Variants in MTMR7 observed in about 807,000 individuals in gnomAD.
MTMR7 encodes the protein myotubularin related protein 7.
MTMR7 carries 76 observed loss-of-function variants against 81.2 expected under a neutral mutation model. That is an observed-to-expected ratio of 0.94 (90% CI 0.78 to 1.13). The LOEUF is 1.13. MTMR7 is among the 50% of genes most tolerant of loss of function. MTMR7 has a pLI of 0.00. For synonymous variants in MTMR7, 372 were observed against 289.8 expected, an observed-to-expected ratio of 1.28 and a Z score of -2.88; for missense variants, 1,044 against 820.0, an observed-to-expected ratio of 1.27 and a Z score of -3.34.
At chr8:17,387,955 G>C (rs565141912) in intron 1 of MTMR7, among the ~76,000 whole-genome samples, 1 of 152,094 alleles carries the variant, frequency 6.6e-6, no homozygotes, top group African/African-American at 2.4e-5. Flanking sequence ...TGACGTTTAA[G>C]GAAATTTTAA....
chr8:17,338,010 G>A (rs547974927), intron 6 of MTMR7, among the ~76,000 whole-genome samples: 2 of 152,218 alleles, frequency 1.3e-5, no homozygotes, highest in African/African-American at 2.4e-5. Flanking sequence ...CTGCTTGCCA[G>A]GGTCCACACC....
At chr8:17,370,984 T>A in intron 3 of MTMR7, 53 bp downstream of exon 3, 1 of 1,571,254 alleles carries the variant, frequency 6.4e-7, no homozygotes, top group Non-Finnish European at 8.7e-7. Context: ...TGAATCTGAT[T>A]TGCAAATTTT....
intron 1 of MTMR7, among the ~76,000 whole-genome samples, chr8:17,406,399 T>G (rs1821582638): frequency 6.6e-6 from 1 of 152,142 alleles, no homozygotes; most frequent in Non-Finnish European, 1.5e-5. Flanking sequence ...ATGCTCAATA[T>G]CATTAGTCAT....
At chr8:17,385,440 G>A (rs1339834704) in intron 1 of MTMR7, among the ~76,000 whole-genome samples, 3 of 152,126 alleles carry the variant, frequency 2.0e-5, no homozygotes, top group East Asian at 1.9e-4. Context: ...TACGCCTCAT[G>A]ACATCTGATG....
At chr8:17,349,962 A>AT (rs1181838611) in intron 4 of MTMR7, among the ~76,000 whole-genome samples, 2 of 152,204 alleles carry the variant, frequency 1.3e-5, no homozygotes, top group Non-Finnish European at 2.9e-5. Flanking sequence ...TGCAGCAACA[A>AT]TATCTCATGG....
chr8:17,331,531 T>C (rs1448654689), intron 6 of MTMR7, among the ~76,000 whole-genome samples: 1 of 152,220 alleles, frequency 6.6e-6, no homozygotes, highest in African/African-American at 2.4e-5. Context: ...AGTCTACTGA[T>C]AAACCCTTCT....
chr8:17,355,967 T>C (rs921772034), intron 4 of MTMR7, among the ~76,000 whole-genome samples: 2 of 152,148 alleles, frequency 1.3e-5, no homozygotes, highest in African/African-American at 4.8e-5. Flanking sequence ...AAAAGGTGCA[T>C]AAAATGCTAC....
intron 12 of MTMR7, among the ~76,000 whole-genome samples, chr8:17,303,857 G>A (rs746229952): frequency 9.2e-5 from 14 of 152,234 alleles, no homozygotes; most frequent in Middle Eastern, 3.4e-3. Flanking sequence ...TGATCCACCC[G>A]CCTCGGCTAA....
At chr8:17,330,217 G>A (rs182141442) in intron 7 of MTMR7, among the ~76,000 whole-genome samples, 2 of 152,330 alleles carry the variant, frequency 1.3e-5, no homozygotes, top group South Asian at 2.1e-4. Flanking sequence ...GAGAGCAAAC[G>A]TGGATTCCTG....
intron 2 of MTMR7, among the ~76,000 whole-genome samples, chr8:17,371,760 C>T (rs1384946213): frequency 6.6e-6 from 1 of 150,396 alleles, no homozygotes; most frequent in Non-Finnish European, 1.5e-5. Context: ...TAGTTGTACA[C>T]ATTTATGGGC....
rs994927647 is a variant in MTMR7 at position 17,349,214 on chromosome 8, T to C, written c.469-133A>G. 4.5e-6 allele frequency: 5 copies of C among 1,120,018 alleles called. No individual in the cohort carries two copies. The African/African-American group carries it at 7.8e-5, about 18-fold the overall frequency. The allele number at this position is 1,120,018 out of a possible 1,614,324, so 69.4% of individuals were successfully genotyped here. A position where few individuals can be genotyped will look rare whatever the true frequency, so the allele number is the denominator to read the frequency against. ...TTAACCATGTTACAGAGGAGGCTATTTCGAGGAAACTCAAAGCCACTTCAG... is the reference window on the plus strand; with the variant it reads ...TTAACCATGTTACAGAGGAGGCTATCTCGAGGAAACTCAAAGCCACTTCAG... On this transcript the variant is annotated intron_variant, in intron 4 of 13. Coordinates refer to ENST00000180173, the MANE Select transcript of MTMR7 (RefSeq NM_004686.5).
intron 1 of MTMR7, among the ~76,000 whole-genome samples, chr8:17,389,382 T>C (rs576930376): frequency 2.6e-5 from 4 of 152,322 alleles, no homozygotes; most frequent in African/African-American, 4.8e-5. Flanking sequence ...TGAACAATGC[T>C]AGGCAAACAC....
intron 13 of MTMR7, 28 bp from the exon 14 acceptor site, chr8:17,300,252 A>G (rs564378279): frequency 3.8e-6 from 6 of 1,577,522 alleles, no homozygotes; most frequent in South Asian, 3.5e-5. Flanking sequence ...ATTTCAGGGG[A>G]AAAATCATAA....
intron 1 of MTMR7, among the ~76,000 whole-genome samples, chr8:17,374,223 CA>C (rs1230441178): frequency 6.6e-6 from 1 of 152,252 alleles, no homozygotes; most frequent in Non-Finnish European, 1.5e-5. Context: ...CAGTGCCTCA[CA>C]TCTGTAATCC....
At chr8:17,318,256 G>A (rs1045655226) in intron 7 of MTMR7, among the ~76,000 whole-genome samples, 1 of 152,070 alleles carries the variant, frequency 6.6e-6, no homozygotes, top group Non-Finnish European at 1.5e-5. Context: ...TGCTCGGGCT[G>A]GGAATCTCAC....
chr8:17,310,428 G>A (rs530631690), intron 9 of MTMR7, among the ~76,000 whole-genome samples: 18 of 152,144 alleles, frequency 1.2e-4, no homozygotes, highest in African/African-American at 3.9e-4. Flanking sequence ...TTGACAACTC[G>A]AGACATTTTC....
At chr8:17,356,168 AT>A (rs1819883465) in intron 4 of MTMR7, among the ~76,000 whole-genome samples, 1 of 152,080 alleles carries the variant, frequency 6.6e-6, no homozygotes. Flanking sequence ...TATTCACCAT[AT>A]TGTGTCTTGC....
At chr8:17,377,176 T>C (rs1460195584) in intron 1 of MTMR7, among the ~76,000 whole-genome samples, 1 of 152,128 alleles carries the variant, frequency 6.6e-6, no homozygotes, top group East Asian at 1.9e-4. Flanking sequence ...GCTTTCAACA[T>C]ACAAAGTATT....
chr8:17,342,892 A>G (rs764276707), intron 5 of MTMR7, among the ~76,000 whole-genome samples: 1 of 151,970 alleles, frequency 6.6e-6, no homozygotes, highest in African/African-American at 2.4e-5. Context: ...GGCAGACAGA[A>G]TGGCAAGCGA....
Sources: gnomAD v4.1 joint callset for allele counts (sites outside exome capture counted in the v4.1 genomes callset) on GRCh38, gnomAD v4.1.1 for gene constraint, MANE v1.5 for transcripts, NCBI Gene and HGNC (gene_info 2026-07-23, HGNC 2026-07-21) for gene names.